Variants in PTCHD4 observed in about 807,000 individuals in gnomAD.
The protein encoded by PTCHD4 is patched domain containing 4.
Under a neutral mutation model 58.1 loss-of-function variants are expected in PTCHD4, and 33 were observed. The observed-to-expected ratio is 0.57, with a 90% CI of 0.43 to 0.76. The LOEUF (loss-of-function observed/expected upper bound fraction) is 0.76. Among genes scored for constraint, PTCHD4 ranks in the 30% least tolerant of loss-of-function variants. The pLI is 0.00. For synonymous variants in PTCHD4, 478 were observed against 409.6 expected, an observed-to-expected ratio of 1.17 and a Z score of -2.02; for missense variants, 1,058 against 1,027.1, an observed-to-expected ratio of 1.03 and a Z score of -0.41.
At chr6:47,968,428 A>G (rs1767378445) in intron 4 of PTCHD4, among the ~76,000 whole-genome samples, 1 of 152,214 alleles carries the variant, frequency 6.6e-6, no homozygotes, top group Admixed American at 6.5e-5. Context: ...TATAACACAG[A>G]TACATGAAAT....
chr6:47,917,640 T>G (rs1402672757), intron 4 of PTCHD4, among the ~76,000 whole-genome samples: 1 of 152,146 alleles, frequency 6.6e-6, no homozygotes, highest in Non-Finnish European at 1.5e-5. Flanking sequence ...AATTGAGACA[T>G]TCGCTGGAGA....
chr6:47,873,815 C>T lies in PTCHD4; in HGVS notation c.*4488G>A, dbSNP rs1406583395. ...TTGGGTCAATGTCATAAAATTGTCACAAAATTTTGGTAATTGAGAAAAAGC... is the reference window on the plus strand; with the variant it reads ...TTGGGTCAATGTCATAAAATTGTCATAAAATTTTGGTAATTGAGAAAAAGC... On this transcript the variant is annotated 3_prime_UTR_variant, in exon 5 of 5. Transcript: ENST00000339488. 6.6e-6 allele frequency among the ~76,000 whole-genome samples: 1 copy of T among 151,620 alleles called. No homozygotes were observed. The highest frequency in any genetic ancestry group is 2.4e-5 in the African/African-American group (1 of 41,366).
intron 3 of PTCHD4, among the ~76,000 whole-genome samples, chr6:48,025,537 CAA>C (rs1763215700): frequency 2.0e-5 from 3 of 152,120 alleles, no homozygotes; most frequent in Admixed American, 1.3e-4. Context: ...TGAATAAGGG[CAA>C]AGATTCTCTT....
chr6:47,917,205 G>A (rs1299274461), intron 4 of PTCHD4, among the ~76,000 whole-genome samples: 1 of 151,268 alleles, frequency 6.6e-6, no homozygotes, highest in Non-Finnish European at 1.5e-5. Context: ...TTTCAATAAT[G>A]CTATTTTGGG....
Position 47,878,325 on chromosome 6 carries a change from G to A in PTCHD4, c.2510C>T (p.Pro837Leu), listed in dbSNP as rs370763640. Reference protein sequence around the residue: ...EIECIEIQENPDHVTTV With the variant: ...EIECIEIQENLDHVTTV ...CCCTCATACTGTGGTGACGTGATCC[G>A]GGTTCTCTTGAATTTCTATGCATTC... is the stretch of plus-strand genomic sequence containing the variant. The change falls in exon 5 of 5, where the codon CCG (proline) becomes CTG (leucine). Residue 837 changes from proline (P) to leucine (L), a missense_variant. Pro to Leu is a moderately conservative substitution (Grantham distance 98). Transcript: ENST00000339488. 1.6e-5 allele frequency: 26 copies of A among 1,601,068 alleles called. No individual in the cohort carries two copies. The highest frequency in any genetic ancestry group is 6.8e-5 in the Admixed American group (4 of 58,808).
chr6:47,982,481 C>CTTTTTTTTTTTTTTTT lies in PTCHD4; in HGVS notation c.898+26137_898+26152dup, dbSNP rs375869071. 4.6e-5 allele frequency among the ~76,000 whole-genome samples: 6 copies of CTTTTTTTTTTTTTTTT among 130,794 alleles called. 1 individual carries two copies. The highest frequency in any genetic ancestry group is 7.8e-5 in the Non-Finnish European group (5 of 63,730). The allele number at this position is 130,794 out of a possible 152,430, so 85.8% of individuals were successfully genotyped here. ...TCACACTAGTCTGTTTTATCTCTCT[C>CTTTTTTTTTTTTTTTT]TTTTTTTTTTTTTTTTTTGTTTTTT... On this transcript the variant is annotated intron_variant, in intron 4 of 4. Coordinates refer to ENST00000339488, the MANE Select transcript of PTCHD4 (RefSeq NM_001384253.1).
rs1179452640 is a variant in PTCHD4, at chr6:47,865,822, C to G, written c.*12481G>C. 6.6e-6 allele frequency among the ~76,000 whole-genome samples: 1 copy of G among 151,818 alleles called. No homozygotes were observed. The highest frequency in any genetic ancestry group is 2.4e-5 in the African/African-American group (1 of 41,376). Reference sequence around the variant, plus strand: ...ATAATAAAAAGTAATCTGAGTCCATCAAATCAAATATAAATTCTGCAGCAT... The same window carrying G: ...ATAATAAAAAGTAATCTGAGTCCATGAAATCAAATATAAATTCTGCAGCAT... On this transcript the variant is annotated 3_prime_UTR_variant, in exon 5 of 5. Coordinates refer to ENST00000339488, the MANE Select transcript of PTCHD4 (RefSeq NM_001384253.1).
intron 3 of PTCHD4, among the ~76,000 whole-genome samples, chr6:48,036,267 A>G (rs1010190109): frequency 2.0e-5 from 3 of 152,128 alleles, no homozygotes; most frequent in African/African-American, 7.2e-5. Context: ...ACCAAGCCAG[A>G]CTAAGGTCAT....
chr6:48,052,453 A>C (rs973722066), intron 3 of PTCHD4, among the ~76,000 whole-genome samples: 23 of 152,038 alleles, frequency 1.5e-4, no homozygotes, highest in African/African-American at 3.9e-4. Context: ...TTCTGGAGAG[A>C]CATTAAATAG....
chr6:48,014,294 A>G (rs1475894551), intron 3 of PTCHD4, among the ~76,000 whole-genome samples: 2 of 152,140 alleles, frequency 1.3e-5, no homozygotes, highest in Non-Finnish European at 2.9e-5. Context: ...AAATTATACT[A>G]TTTTGTAAGG....
At chr6:47,981,535 A>C (rs751571278) in intron 4 of PTCHD4, among the ~76,000 whole-genome samples, 1 of 151,930 alleles carries the variant, frequency 6.6e-6, no homozygotes, top group Non-Finnish European at 1.5e-5. Flanking sequence ...TTCTATTTTT[A>C]GGGAAAATTG....
intron 1 of PTCHD4, among the ~76,000 whole-genome samples, chr6:48,083,452 T>C (rs1328050906): frequency 2.0e-5 from 3 of 152,168 alleles, no homozygotes; most frequent in South Asian, 4.1e-4. Context: ...TAGTTGGATA[T>C]GGTAGGCAGA....
intron 4 of PTCHD4, among the ~76,000 whole-genome samples, chr6:47,925,605 G>A (rs73739018): frequency 0.019 from 2,842 of 152,266 alleles, 95 homozygotes; most frequent in African/African-American, 0.063. Flanking sequence ...AAGCATCACA[G>A]CTCCTTAAAT....
chr6:48,046,034 G>A (rs1166154343), intron 3 of PTCHD4, among the ~76,000 whole-genome samples: 2 of 151,790 alleles, frequency 1.3e-5, no homozygotes, highest in Non-Finnish European at 2.9e-5. Context: ...TTAACAATTT[G>A]TTGGAACTAG....
intron 4 of PTCHD4, among the ~76,000 whole-genome samples, chr6:47,882,489 C>T (rs925103980): frequency 2.0e-5 from 3 of 151,924 alleles, no homozygotes; most frequent in African/African-American, 7.2e-5. Flanking sequence ...GATATTCACT[C>T]ATTTGACTGT....
At chr6:47,887,847 C>T (rs1764242056) in intron 4 of PTCHD4, among the ~76,000 whole-genome samples, 1 of 152,174 alleles carries the variant, frequency 6.6e-6, no homozygotes, top group African/African-American at 2.4e-5. Context: ...ATGGCCAAAG[C>T]TTCTACCTCT....
At chr6:48,041,753 A>G (rs932363624) in intron 3 of PTCHD4, among the ~76,000 whole-genome samples, 5 of 151,990 alleles carry the variant, frequency 3.3e-5, no homozygotes, top group African/African-American at 1.2e-4. Context: ...ATCGCTTAAC[A>G]TCCAGAAAAC....
intron 4 of PTCHD4, among the ~76,000 whole-genome samples, chr6:47,939,359 A>C (rs1766122983): frequency 6.6e-6 from 1 of 152,136 alleles, no homozygotes; most frequent in Non-Finnish European, 1.5e-5. Flanking sequence ...ATATTTGGAA[A>C]ACATGGCCTA....
rs143827558 is a variant in PTCHD4, at chr6:48,024,960, C to T, written c.418-15846G>A. On this transcript the variant is annotated intron_variant, in intron 3 of 4. Coordinates refer to ENST00000339488, the MANE Select transcript of PTCHD4 (RefSeq NM_001384253.1). ...CCAGATGACATGATTCTACATCACA[C>T]GGTTTCATTTTGTTTTTGCTGCCCC... is the stretch of plus-strand genomic sequence containing the variant. Among the ~76,000 whole-genome samples, 833 of 152,206 alleles carry T rather than the reference C, an allele frequency of 5.5e-3. 5 individuals carry two copies. The highest frequency in any genetic ancestry group is 0.019 in the African/African-American group (807 of 41,520).
Sources: allele counts gnomAD v4.1 joint callset (sites outside exome capture counted in the v4.1 genomes callset), GRCh38; gene constraint gnomAD v4.1.1; transcripts MANE v1.5; gene names NCBI Gene and HGNC (gene_info 2026-07-23, HGNC 2026-07-21).